Variants in NIM1K observed in about 807,000 individuals in gnomAD.
NIM1K encodes NIM1 serine/threonine protein kinase, also known as serine/threonine-protein kinase NIM1.
In NIM1K, 35 loss-of-function variants were observed where a neutral mutation model predicts 37.1. The observed-to-expected ratio is 0.94, with a 90% confidence interval of 0.72 to 1.25. The LOEUF (loss-of-function observed/expected upper bound fraction) is 1.25, where lower values mean the gene tolerates loss of function less well. Ranked by LOEUF, NIM1K falls within the 50% of genes most tolerant of loss-of-function variation. NIM1K has a pLI of 0.00. For missense variants in NIM1K, 564 were observed against 548.0 expected (o/e 1.03, Z -0.29); for synonymous variants, 234 against 206.6 (o/e 1.13, Z -1.14).
At chr5:43,278,405 T>C (rs1164870964) in intron 3 of NIM1K, among the ~76,000 whole-genome samples, 1 of 152,258 alleles carries the variant, frequency 6.6e-6, no homozygotes, top group African/African-American at 2.4e-5. Flanking sequence ...GGACTCCTAA[T>C]GCACACTCTG....
intron 1 of NIM1K, among the ~76,000 whole-genome samples, chr5:43,198,089 C>T (rs990767374): frequency 2.0e-5 from 3 of 151,808 alleles, no homozygotes; most frequent in African/African-American, 4.8e-5. Context: ...TTCTTTTTTC[C>T]GATGGAGGAG....
At chr5:43,212,754 C>A (rs547996356) in intron 1 of NIM1K, among the ~76,000 whole-genome samples, 2 of 152,178 alleles carry the variant, frequency 1.3e-5, no homozygotes, top group Admixed American at 6.5e-5. Flanking sequence ...TATATCACTG[C>A]GATTGCTCCT....
intron 1 of NIM1K, among the ~76,000 whole-genome samples, chr5:43,236,314 T>TA (rs369714403): frequency 4.7e-4 from 69 of 147,024 alleles, no homozygotes; most frequent in African/African-American, 1.3e-3. Context: ...ACATAAACAT[T>TA]AAAAAAAAAA....
intron 1 of NIM1K, chr5:43,194,694 A>G (rs938262141): frequency 2.6e-5 from 4 of 152,238 alleles, no homozygotes; most frequent in African/African-American, 9.6e-5. Context: ...ACGATTTCTG[A>G]GCTTCAAATT....
chr5:43,204,905 A>AGGAT (rs1752086440), intron 1 of NIM1K, among the ~76,000 whole-genome samples: 1 of 152,112 alleles, frequency 6.6e-6, no homozygotes, highest in African/African-American at 2.4e-5. Context: ...CTGAGGTGGG[A>AGGAT]GGATCTCTGG....
chr5:43,265,542 C>T (rs1259990536), intron 2 of NIM1K, among the ~76,000 whole-genome samples: 2 of 152,124 alleles, frequency 1.3e-5, no homozygotes, highest in Admixed American at 6.6e-5. Flanking sequence ...AGGTTTTTAG[C>T]TTCTTTGAGA....
intron 3 of NIM1K, among the ~76,000 whole-genome samples, chr5:43,279,299 G>C (rs1753401382): frequency 2.6e-5 from 4 of 152,166 alleles, no homozygotes; most frequent in Admixed American, 2.6e-4. Context: ...TGGTATAGTT[G>C]AACCTAGAAT....
chr5:43,206,824 A>T, intron 1 of NIM1K: 1 of 767,666 alleles, frequency 1.3e-6, no homozygotes, highest in Non-Finnish European at 2.4e-6. Context: ...GAGTTGGTGC[A>T]CACCTGGAAG....
intron 2 of NIM1K, among the ~76,000 whole-genome samples, chr5:43,252,354 T>C (rs1752877644): frequency 6.6e-6 from 1 of 152,036 alleles, no homozygotes; most frequent in African/African-American, 2.4e-5. Context: ...AAAGAAACAG[T>C]CTCACCCGCT....
chr5:43,231,765 C>T (rs1240943111), intron 1 of NIM1K: 10 of 1,156,214 alleles, frequency 8.6e-6, no homozygotes, highest in South Asian at 3.6e-5. Context: ...ATGTTTAAAA[C>T]AGAATAAGCT....
chr5:43,257,359 A>G (rs1752961533), intron 2 of NIM1K, among the ~76,000 whole-genome samples: 1 of 111,488 alleles, frequency 9.0e-6, no homozygotes, highest in Admixed American at 1.1e-4. Context: ...CAGTAAAGTG[A>G]CTCTTTTTTT....
In NIM1K at chr5:43,255,402, C is replaced by G. The variant is rs115069493; in HGVS notation, c.292+9335C>G. On this transcript the variant is annotated intron_variant, in intron 2 of 3. Transcript: ENST00000326035. ...ACTTACACTCTAGTGAGAGGGAAGC[C>G]AGACAAAAATAAATGTGTAAAATAT... is the stretch of plus-strand genomic sequence containing the variant. Among the ~76,000 whole-genome samples, 412 of 152,222 alleles carry G rather than the reference C, an allele frequency of 2.7e-3. 1 individual carries two copies. The highest frequency in any genetic ancestry group is 0.024 in the Middle Eastern group (7 of 292).
At chr5:43,278,162 C>T (rs1451011679) in intron 3 of NIM1K, among the ~76,000 whole-genome samples, 2 of 151,910 alleles carry the variant, frequency 1.3e-5, no homozygotes, top group Non-Finnish European at 2.9e-5. Context: ...TCTCCTGCCT[C>T]AGCCTCCCAA....
intron 1 of NIM1K, among the ~76,000 whole-genome samples, chr5:43,211,963 CA>C (rs1399693628): frequency 1.3e-5 from 2 of 152,190 alleles, no homozygotes; most frequent in Admixed American, 1.3e-4. Context: ...ACTCAAAATT[CA>C]AGCAAAGCTA....
intron 1 of NIM1K, among the ~76,000 whole-genome samples, chr5:43,239,888 A>G (rs1050045158): frequency 1.3e-5 from 2 of 152,036 alleles, no homozygotes; most frequent in Non-Finnish European, 2.9e-5. Flanking sequence ...AAATGAGATC[A>G]TTAAATTCTC....
chr5:43,263,675 C>T lies in NIM1K; in HGVS notation c.293-13382C>T, dbSNP rs532830081. Among the ~76,000 whole-genome samples the T allele has an allele frequency of 8.9e-4, 135 of 152,010 alleles. No homozygotes were observed. The Middle Eastern group carries it at 0.017, about 19-fold the overall frequency. ...TGCTTTCTGCTAGCTTTTGAATGTG[C>T]TTGCTCTTGCTTCTCTAGTTCTTTT... On this transcript the variant is annotated intron_variant, in intron 2 of 3. Transcript: ENST00000326035.
chr5:43,258,498 G>A (rs976381771), intron 2 of NIM1K, among the ~76,000 whole-genome samples: 21 of 151,808 alleles, frequency 1.4e-4, no homozygotes, highest in Non-Finnish European at 2.8e-4. Context: ...CTGGAATGTG[G>A]TGGCACAATC....
At chr5:43,273,752 C>T (rs553778724) in intron 2 of NIM1K, among the ~76,000 whole-genome samples, 1 of 152,268 alleles carries the variant, frequency 6.6e-6, no homozygotes, top group South Asian at 2.1e-4. Context: ...GCTCCTAGGC[C>T]AAGTATGAGG....
chr5:43,217,214 A>G (rs1350281265), intron 1 of NIM1K, among the ~76,000 whole-genome samples: 2 of 152,228 alleles, frequency 1.3e-5, no homozygotes, highest in African/African-American at 2.4e-5. Flanking sequence ...ATGTAAATGG[A>G]ATCATAAAAT....
Sources: gnomAD v4.1 joint callset for allele counts (sites outside exome capture counted in the v4.1 genomes callset) on GRCh38, gnomAD v4.1.1 for gene constraint, MANE v1.5 for transcripts, NCBI Gene and HGNC (gene_info 2026-07-23, HGNC 2026-07-21) for gene names.